CTDSPL2: variants seen among roughly 807,000 people sequenced by gnomAD.
CTDSPL2 encodes CTD small phosphatase-like protein 2.
In CTDSPL2, 5 loss-of-function variants were observed where a neutral mutation model predicts 60.0. The ratio of observed to expected loss-of-function variants is 0.08; its 90% CI spans 0.04 to 0.18. The LOEUF (loss-of-function observed/expected upper bound fraction) is 0.18. Among genes scored for constraint, CTDSPL2 ranks in the 10% least tolerant of loss-of-function variants. The pLI, the probability that CTDSPL2 is intolerant of heterozygous loss-of-function variation, is 1.00. For missense variants in CTDSPL2, 370 were observed against 548.8 expected (o/e 0.67, Z 3.26); for synonymous variants, 186 against 189.3 (o/e 0.98, Z 0.14).
At chr15:44,436,747 A>G (rs916790812) in intron 1 of CTDSPL2, among the ~76,000 whole-genome samples, 2 of 152,164 alleles carry the variant, frequency 1.3e-5, no homozygotes, top group Admixed American at 1.3e-4. Flanking sequence ...TTTTACAGCA[A>G]ATCTTGACTT....
intron 1 of CTDSPL2, among the ~76,000 whole-genome samples, chr15:44,444,731 G>T (rs1442248496): frequency 5.6e-4 from 59 of 105,404 alleles, no homozygotes; most frequent in Admixed American, 1.2e-3. Context: ...AAGGTAAGTA[G>T]TTTTTTTTTT....
rs537176971 is a variant in CTDSPL2, at chr15:44,526,702, CT to C, written c.*2532del. The C allele has an allele frequency of 3.9e-5, 6 of 152,136 alleles. No individual in the cohort carries two copies. The highest frequency in any genetic ancestry group is 8.8e-5 in the Non-Finnish European group (6 of 67,980). The allele number at this position is 152,136 out of a possible 1,614,324, so 9.4% of individuals were successfully genotyped here. Reference sequence around the variant, plus strand: ...ATGTTTTGTCTTCCCATTATCCTCTCTTTTCTTTATCTGTTGGTAGATGTAA... The same window carrying C: ...ATGTTTTGTCTTCCCATTATCCTCTCTTTCTTTATCTGTTGGTAGATGTAA... On this transcript the variant is annotated 3_prime_UTR_variant, in exon 13 of 13. Coordinates refer to ENST00000260327, the MANE Select transcript of CTDSPL2 (RefSeq NM_016396.3).
chr15:44,483,049 A>G (rs749861133), intron 2 of CTDSPL2, among the ~76,000 whole-genome samples: 1 of 152,014 alleles, frequency 6.6e-6, no homozygotes, highest in South Asian at 2.1e-4. Flanking sequence ...TCACGAGGTC[A>G]GGAGTTCGAG....
chr15:44,499,905 A>C (rs2081359792), intron 8 of CTDSPL2, 92 bp downstream of exon 8: 1 of 697,862 alleles, frequency 1.4e-6, no homozygotes, highest in Non-Finnish European at 2.6e-6. Flanking sequence ...TGTGACATTA[A>C]ATGTGTTTTT....
intron 2 of CTDSPL2, among the ~76,000 whole-genome samples, chr15:44,475,503 G>A (rs2080897747): frequency 6.6e-6 from 1 of 152,002 alleles, no homozygotes; most frequent in African/African-American, 2.4e-5. Context: ...GCTGGGTGTG[G>A]TGGTGGGCAC....
At chr15:44,433,459 TACACACACAC>T (rs56657073) in intron 1 of CTDSPL2, among the ~76,000 whole-genome samples, 8 of 147,682 alleles carry the variant, frequency 5.4e-5, no homozygotes, top group South Asian at 2.1e-4. Flanking sequence ...TACATATATA[TACACACACAC>T]ACACACACAC....
At chr15:44,477,412 G>T (rs1440568623) in intron 2 of CTDSPL2, among the ~76,000 whole-genome samples, 1 of 152,116 alleles carries the variant, frequency 6.6e-6, no homozygotes, top group African/African-American at 2.4e-5. Context: ...GTGTGTGCCT[G>T]TAGTCCCAGC....
chr15:44,466,418 C>T (rs956628604), intron 2 of CTDSPL2, among the ~76,000 whole-genome samples: 13 of 152,162 alleles, frequency 8.5e-5, no homozygotes, highest in African/African-American at 2.2e-4. Context: ...ATGGAGGAAA[C>T]GACAGTTTAA....
chr15:44,483,392 G>GC (rs1302294391), intron 2 of CTDSPL2, among the ~76,000 whole-genome samples: 1 of 151,668 alleles, frequency 6.6e-6, no homozygotes, highest in East Asian at 1.9e-4. Context: ...ACAAAAATTA[G>GC]CTGGGCATGG....
chr15:44,508,097 T>C (rs2081502488), intron 8 of CTDSPL2, among the ~76,000 whole-genome samples: 1 of 151,974 alleles, frequency 6.6e-6, no homozygotes, highest in Non-Finnish European at 1.5e-5. Flanking sequence ...TCTTTTTTTT[T>C]TTGGAGACAG....
At chr15:44,483,100 A>G (rs946905890) in intron 2 of CTDSPL2, among the ~76,000 whole-genome samples, 3 of 152,074 alleles carry the variant, frequency 2.0e-5, no homozygotes, top group African/African-American at 4.8e-5. Context: ...CTCTACTAAG[A>G]ATACAAAGAT....
At chr15:44,515,771 G>A (rs1267306445) in intron 10 of CTDSPL2, among the ~76,000 whole-genome samples, 1 of 152,072 alleles carries the variant, frequency 6.6e-6, no homozygotes, top group Admixed American at 6.5e-5. Context: ...CACTCGGGAG[G>A]CTGAGGCAGG....
rs1458366612 is a variant in CTDSPL2, at chr15:44,529,037, C to G, written c.*4863C>G. ...GGGATAAATAAAACTTTTATGGAAGCACTTCTCTTTGATGATATTTTATCA... is the reference window on the plus strand; with the variant it reads ...GGGATAAATAAAACTTTTATGGAAGGACTTCTCTTTGATGATATTTTATCA... On this transcript the variant is annotated 3_prime_UTR_variant, in exon 13 of 13. Coordinates refer to ENST00000260327, the MANE Select transcript of CTDSPL2 (RefSeq NM_016396.3). 6.6e-6 allele frequency: 1 copy of G among 152,154 alleles called. No individual in the cohort carries two copies. Among genetic ancestry groups the G allele is most frequent in the Non-Finnish European group, 1.5e-5 (1 of 68,020 alleles). The allele number at this position is 152,154 out of a possible 1,614,324, so 9.4% of individuals were successfully genotyped here. A position where few individuals can be genotyped will look rare whatever the true frequency, so the allele number is the denominator to read the frequency against.
At chr15:44,437,786 C>T (rs1373779480) in intron 1 of CTDSPL2, among the ~76,000 whole-genome samples, 1 of 152,018 alleles carries the variant, frequency 6.6e-6, no homozygotes, top group Non-Finnish European at 1.5e-5. Flanking sequence ...AATTTAAGAG[C>T]TAAATTAGAG....
intron 2 of CTDSPL2, among the ~76,000 whole-genome samples, chr15:44,466,109 A>G (rs556534355): frequency 2.6e-5 from 4 of 151,548 alleles, no homozygotes; most frequent in African/African-American, 7.3e-5. Context: ...TAATTTTTTT[A>G]TATTTTTAGT....
intron 2 of CTDSPL2, among the ~76,000 whole-genome samples, chr15:44,477,182 T>C (rs2080935714): frequency 6.6e-6 from 1 of 151,996 alleles, no homozygotes; most frequent in South Asian, 2.1e-4. Context: ...TGAGGTGAGA[T>C]TGTGCCACTG....
intron 7 of CTDSPL2, 31 bp from the exon 8 acceptor site, chr15:44,499,696 G>T: frequency 3.9e-6 from 5 of 1,293,462 alleles, no homozygotes; most frequent in Non-Finnish European, 5.5e-6. Context: ...TTACTATCTT[G>T]TTTCATTCAA....
chr15:44,496,142 A>G (rs1285100955), intron 5 of CTDSPL2, among the ~76,000 whole-genome samples: 1 of 152,136 alleles, frequency 6.6e-6, no homozygotes, highest in Non-Finnish European at 1.5e-5. Context: ...TTCTTAGCTG[A>G]TAAACATCTT....
chr15:44,466,206 G>A (rs1423936680), intron 2 of CTDSPL2, among the ~76,000 whole-genome samples: 3 of 152,124 alleles, frequency 2.0e-5, no homozygotes, highest in Admixed American at 6.5e-5. Context: ...CAAAGTGCTG[G>A]GATTACAGGC....
Sources: gnomAD v4.1 joint callset for allele counts (sites outside exome capture counted in the v4.1 genomes callset) on GRCh38, gnomAD v4.1.1 for gene constraint, MANE v1.5 for transcripts, NCBI Gene and HGNC (gene_info 2026-07-23, HGNC 2026-07-21) for gene names.